Variants in ZGPAT observed in about 807,000 individuals in gnomAD.
ZGPAT encodes zinc finger CCCH-type and G-patch domain containing, also known as zinc finger CCCH-type with G patch domain-containing protein.
Under a neutral mutation model 47.9 loss-of-function variants are expected in ZGPAT, and 39 were observed. That is an observed-to-expected ratio of 0.81 (90% CI 0.63 to 1.06). The LOEUF is 1.06. ZGPAT is among the 50% of genes least tolerant of loss of function. The pLI, the probability that ZGPAT is intolerant of heterozygous loss-of-function variation, is 0.00. For synonymous variants in ZGPAT, 348 were observed against 292.9 expected (o/e 1.19, Z -1.92); for missense variants, 717 against 681.4 (o/e 1.05, Z -0.58).
chr20:63,731,457 G>GGTGT (rs1407054900), intron 2 of ZGPAT, among the ~76,000 whole-genome samples: 1 of 142,522 alleles, frequency 7.0e-6, no homozygotes, highest in Non-Finnish European at 1.5e-5. Context: ...GTTGGTCCTT[G>GGTGT]GTGTGTATGT....
intron 2 of ZGPAT, among the ~76,000 whole-genome samples, chr20:63,728,238 G>T (rs113139272): frequency 0.015 from 2,338 of 152,034 alleles, 64 homozygotes; most frequent in African/African-American, 0.054. Flanking sequence ...AGGTTTAACC[G>T]TGTTAGCCAG....
Position 63,733,349 on chromosome 20 carries a change from AC to A in ZGPAT, c.717del (p.Asp240MetfsTer16). 1 of 1,610,826 alleles carries A rather than the reference AC, an allele frequency of 6.2e-7. No homozygotes were observed. Among genetic ancestry groups the A allele is most frequent in the Non-Finnish European group, 8.5e-7 (1 of 1,179,540 alleles). The stretch of plus-strand genomic sequence containing the variant: ...TGGCCTCTGGCACGCAGCACGCATC[AC>A]CGGTGAGGCTGGCCGTGGGGGCCTC... ...QDGLWHAARI[T>X]DVDNGYYTVK... is the part of the protein sequence containing the mutation. On this transcript the variant is annotated frameshift_variant and splice_region_variant, in exon 3 of 7. Transcript: ENST00000355969. LOFTEE classifies it high-confidence loss of function.
rs1359517729 is a variant in ZGPAT at position 63,730,966 on chromosome 20, CTCTCTGTGTG to C, written c.585-2251_585-2242del. Among the ~76,000 whole-genome samples, 389 of 94,914 alleles carry C rather than the reference CTCTCTGTGTG, an allele frequency of 4.1e-3. 3 individuals are homozygous for C. Among genetic ancestry groups the C allele is most frequent in the African/African-American group, 0.02 (361 of 18,388 alleles). The allele number at this position is 94,914 out of a possible 152,430, so 62.3% of individuals were successfully genotyped here. A position where few individuals can be genotyped will look rare whatever the true frequency, so the allele number is the denominator to read the frequency against. On this transcript the variant is annotated intron_variant, in intron 2 of 6. Coordinates refer to ENST00000355969, the MANE Select transcript of ZGPAT (RefSeq NM_181485.3). Reference sequence around the variant, plus strand: ...TCTCTCTCTCTCTCTCTCTCTCTCTCTCTCTGTGTGTGTGTGTGTGTGTGTCTCGGTTTTG... The same window carrying C: ...TCTCTCTCTCTCTCTCTCTCTCTCTCTGTGTGTGTGTGTGTCTCGGTTTTG...
chr20:63,735,844 G>A lies in ZGPAT; in HGVS notation c.1461G>A (p.Gln487=), dbSNP rs2091984710. ...CAGGAGCCCAGCGCCAGCTGGGGCA[G>A]CTCCGGGCTCAGGAAGCCGGCCTGC... ...KLAGAQRQLG[Q]LRAQEAGLQQ... The change falls in exon 7 of 7, where the codon CAG becomes CAA. Residue 487 remains glutamine (Q), a synonymous_variant. Transcript: ENST00000355969. 3.1e-6 allele frequency: 5 copies of A among 1,612,576 alleles called. No individual in the cohort carries two copies. Among genetic ancestry groups the A allele is most frequent in the Non-Finnish European group, 4.2e-6 (5 of 1,179,842 alleles).
intron 1 of ZGPAT, 74 bp from the exon 2 acceptor site, chr20:63,708,479 C>T: frequency 3.2e-6 from 3 of 936,788 alleles, no homozygotes; most frequent in Non-Finnish European, 4.6e-6. Context: ...GGGGACGTGC[C>T]CGTGCCCGTG....
intron 2 of ZGPAT, among the ~76,000 whole-genome samples, chr20:63,718,015 C>A (rs1198737510): frequency 6.6e-6 from 1 of 151,992 alleles, no homozygotes; most frequent in Non-Finnish European, 1.5e-5. Flanking sequence ...TGCACTCCAG[C>A]CTGGGTAACA....
intron 2 of ZGPAT, among the ~76,000 whole-genome samples, chr20:63,719,961 T>TA (rs1200472022): frequency 2.6e-5 from 4 of 151,886 alleles, no homozygotes; most frequent in Admixed American, 1.3e-4. Flanking sequence ...AGACTGGTCT[T>TA]AAACTACTAA....
intron 6 of ZGPAT, 75 bp downstream of exon 6, chr20:63,735,639 C>T (rs1348136460): frequency 7.4e-6 from 11 of 1,495,370 alleles, no homozygotes; most frequent in East Asian, 7.1e-5. Context: ...CTGGAGGTCA[C>T]CTGACCCAAG....
At chr20:63,732,410 G>A (rs1350047803) in intron 2 of ZGPAT, among the ~76,000 whole-genome samples, 1 of 43,396 alleles carries the variant, frequency 2.3e-5, no homozygotes, top group African/African-American at 8.4e-5. Context: ...CTGTGTGTGC[G>A]TGTGTGTGGG....
chr20:63,732,402 G>C (rs2091919430), intron 2 of ZGPAT, among the ~76,000 whole-genome samples: 1 of 113,552 alleles, frequency 8.8e-6, no homozygotes, highest in Non-Finnish European at 2.0e-5. Flanking sequence ...GTGAGGGCCT[G>C]TGTGTGCGTG....
intron 2 of ZGPAT, among the ~76,000 whole-genome samples, chr20:63,728,985 A>G (rs983067938): frequency 5.3e-5 from 8 of 151,604 alleles, no homozygotes; most frequent in African/African-American, 1.7e-4. Flanking sequence ...GTTCTAAATC[A>G]GTGAGTTTTG....
chr20:63,734,982 G>A (rs956020889), intron 5 of ZGPAT, 158 bp downstream of exon 5: 193 of 1,276,832 alleles, frequency 1.5e-4, no homozygotes, highest in Non-Finnish European at 1.8e-4. Context: ...GGGGTCCCGC[G>A]GCCACAGCAC....
At chr20:63,725,812 A>ATTAT (rs548225718) in intron 2 of ZGPAT, among the ~76,000 whole-genome samples, 39 of 126,310 alleles carry the variant, frequency 3.1e-4, no homozygotes, top group Middle Eastern at 4.4e-3. Flanking sequence ...CTCAAACTGG[A>ATTAT]TTATTTATTT....
At position 63,735,262 on chromosome 20, in the gene ZGPAT, C is replaced by G. The variant is rs1422120090; in HGVS notation, c.1095C>G (p.Thr365=). ...DQCVETLQKQ[T]RVGKAGTNKP... ...GTGTGGAGACCCTGCAGAAGCAGAC[C>G]AGGGTTGGCAAGGCTGGCACCAACA... Residue 365 remains threonine (T), a synonymous_variant, in exon 6 of 7, where the codon ACC becomes ACG. Transcript: ENST00000355969. 10 of 1,606,696 alleles carry G rather than the reference C, an allele frequency of 6.2e-6. No individual in the cohort carries two copies. In the East Asian group the frequency reaches 2.2e-4, roughly 36 times the overall value.
chr20:63,718,563 T>C (rs1012518086), intron 2 of ZGPAT, among the ~76,000 whole-genome samples: 4 of 151,860 alleles, frequency 2.6e-5, no homozygotes, highest in African/African-American at 9.7e-5. Flanking sequence ...TCAGGTGATC[T>C]GCCCGCCTTG....
intron 2 of ZGPAT, among the ~76,000 whole-genome samples, chr20:63,724,034 T>G (rs1395537212): frequency 1.3e-5 from 2 of 152,092 alleles, no homozygotes; most frequent in African/African-American, 4.8e-5. Flanking sequence ...GAGCTGAGAT[T>G]GTGCCACTGC....
At chr20:63,711,219 G>A (rs2091664137) in intron 2 of ZGPAT, among the ~76,000 whole-genome samples, 3 of 152,122 alleles carry the variant, frequency 2.0e-5, no homozygotes, top group Admixed American at 6.5e-5. Flanking sequence ...TTGTAGAGAC[G>A]GGATTTCACC....
At chr20:63,733,140 C>T (rs1315611438) in intron 2 of ZGPAT, 79 bp from the exon 3 acceptor site, 7 of 1,558,048 alleles carry the variant, frequency 4.5e-6, no homozygotes, top group Middle Eastern at 1.7e-4. Flanking sequence ...AGTGCCCAGG[C>T]GGATGGGTCA....
chr20:63,735,384 C>T lies in ZGPAT; in HGVS notation c.1217C>T (p.Ala406Val). The T allele has an allele frequency of 6.4e-7, 1 of 1,553,842 alleles. No homozygotes were observed. Among genetic ancestry groups the T allele is most frequent in the Non-Finnish European group, 8.7e-7 (1 of 1,152,960 alleles). ...DFLNEKLQGQ[A>V]PGALEAGAAP... ...CTCAATGAAAAGCTGCAAGGTCAGGCTCCTGGGGCCCTAGAAGCCGGGGCG... is the reference window on the plus strand; with the variant it reads ...CTCAATGAAAAGCTGCAAGGTCAGGTTCCTGGGGCCCTAGAAGCCGGGGCG... The change falls in exon 6 of 7, where the codon GCT becomes GTT. Residue 406 changes from alanine (A) to valine (V), a missense_variant. Ala to Val is a moderately conservative substitution (Grantham distance 64). Coordinates refer to ENST00000355969, the MANE Select transcript of ZGPAT (RefSeq NM_181485.3).
Sources: gnomAD v4.1 joint callset for allele counts (sites outside exome capture counted in the v4.1 genomes callset) on GRCh38, gnomAD v4.1.1 for gene constraint, MANE v1.5 for transcripts, NCBI Gene and HGNC (gene_info 2026-07-23, HGNC 2026-07-21) for gene names.